DAAM2: variants seen among roughly 807,000 people sequenced by gnomAD.
DAAM2 encodes disheveled-associated activator of morphogenesis 2.
DAAM2 carries 39 observed loss-of-function variants against 120.7 expected under a neutral mutation model. The observed-to-expected ratio is 0.32, with a 90% CI of 0.25 to 0.42. The LOEUF (loss-of-function observed/expected upper bound fraction) is 0.42. Among genes scored for constraint, DAAM2 ranks in the 10% least tolerant of loss-of-function variants. DAAM2 has a pLI of 1.00. For missense variants in DAAM2, 1,283 were observed against 1,401.7 expected (o/e 0.92, Z 1.35); for synonymous variants, 488 against 524.9 (o/e 0.93, Z 0.96).
intron 1 of DAAM2, among the ~76,000 whole-genome samples, chr6:39,801,802 C>G (rs1265362970): frequency 6.6e-6 from 1 of 152,206 alleles, no homozygotes; most frequent in Non-Finnish European, 1.5e-5. Context: ...TGACCACATT[C>G]CCGGGGGGTC....
intron 1 of DAAM2, among the ~76,000 whole-genome samples, chr6:39,844,144 A>G (rs182072229): frequency 4.5e-4 from 69 of 152,278 alleles, no homozygotes; most frequent in African/African-American, 1.3e-3. Context: ...TTTAATAAAT[A>G]CTAGTATTCT....
chr6:39,879,299 C>CCCCCCCCCCCCCTCCTCCCCGGGGG lies in DAAM2; in HGVS notation c.1667_1668insCCCCCCCCCCCCTCCTCCCCGGGGG (p.Leu560ProfsTer39). The CCCCCCCCCCCCCTCCTCCCCGGGGG allele has an allele frequency of 6.7e-7, 1 of 1,495,694 alleles. No individual in the cohort carries two copies. The highest frequency in any genetic ancestry group is 1.2e-5 in the South Asian group (1 of 83,692). The allele number at this position is 1,495,694 out of a possible 1,614,324, so 92.7% of individuals were successfully genotyped here. A position where few individuals can be genotyped will look rare whatever the true frequency, so the allele number is the denominator to read the frequency against. On this transcript the variant is annotated frameshift_variant, in exon 14 of 25. Coordinates refer to ENST00000274867, the MANE Select transcript of DAAM2 (RefSeq NM_001201427.2). LOFTEE classifies it high-confidence loss of function. ...CCCTTTGCCTGTTGTCCCCCTCCCC[C>CCCCCCCCCCCCCTCCTCCCCGGGGG]ACCACCACCCCTTCCTCCCGGGGGA...
chr6:39,904,086 G>T lies in DAAM2; in HGVS notation c.*2049G>T, dbSNP rs777013775. ...ACCCCCTCAGGGGCAGGGAACAGGGGAGGGCTCCACAAGCGTGTCTGGCAT... is the reference window on the plus strand; with the variant it reads ...ACCCCCTCAGGGGCAGGGAACAGGGTAGGGCTCCACAAGCGTGTCTGGCAT... On this transcript the variant is annotated 3_prime_UTR_variant, in exon 25 of 25. Transcript: ENST00000274867. 2 of 421,920 alleles carry T rather than the reference G, an allele frequency of 4.7e-6. No individual in the cohort carries two copies. The highest frequency in any genetic ancestry group is 9.5e-6 in the Non-Finnish European group (2 of 211,286). The allele number at this position is 421,920 out of a possible 1,614,324, so 26.1% of individuals were successfully genotyped here. A position where few individuals can be genotyped will look rare whatever the true frequency, so the allele number is the denominator to read the frequency against.
intron 1 of DAAM2, among the ~76,000 whole-genome samples, chr6:39,812,486 G>A (rs1582606198): frequency 1.3e-5 from 2 of 152,238 alleles, no homozygotes; most frequent in African/African-American, 4.8e-5. Context: ...TTTCTGTACC[G>A]TACCCCAATC....
intron 1 of DAAM2, among the ~76,000 whole-genome samples, chr6:39,795,183 G>A (rs1444236113): frequency 6.6e-6 from 1 of 152,200 alleles, no homozygotes; most frequent in Non-Finnish European, 1.5e-5. Context: ...GGTCATCTTT[G>A]AGATTAGATT....
intron 5 of DAAM2, among the ~76,000 whole-genome samples, chr6:39,866,635 G>A (rs1764445259): frequency 6.6e-6 from 1 of 152,206 alleles, no homozygotes; most frequent in Admixed American, 6.5e-5. Flanking sequence ...ACAAATCAAT[G>A]AAAATACAGC....
intron 5 of DAAM2, among the ~76,000 whole-genome samples, chr6:39,866,408 C>A (rs1193268571): frequency 6.6e-6 from 1 of 152,114 alleles, no homozygotes; most frequent in Non-Finnish European, 1.5e-5. Context: ...AGAGCACATT[C>A]TTTTATTTTC....
At chr6:39,795,804 T>C (rs1187432780) in intron 1 of DAAM2, among the ~76,000 whole-genome samples, 1 of 152,042 alleles carries the variant, frequency 6.6e-6, no homozygotes. Context: ...TATCCTGAAG[T>C]GTGGGAGAAG....
Position 39,901,770 on chromosome 6 carries a change from C to T in DAAM2, c.2983-43C>T. 6.8e-7 allele frequency: 1 copy of T among 1,472,296 alleles called. No individual in the cohort carries two copies. The highest frequency in any genetic ancestry group is 2.3e-5 in the East Asian group (1 of 42,714). The allele number at this position is 1,472,296 out of a possible 1,614,324, so 91.2% of individuals were successfully genotyped here. A position where few individuals can be genotyped will look rare whatever the true frequency, so the allele number is the denominator to read the frequency against. ...TTGGGGGGCTGCCCTGGCCTCAGCG[C>T]CTCTCCCTGAGAGGGTTCCTATCTT... On this transcript the variant is annotated intron_variant, in intron 24 of 24. Coordinates refer to ENST00000274867, the MANE Select transcript of DAAM2 (RefSeq NM_001201427.2). This position sits in a 1 kb window ranked among gnomAD's most constrained non-coding sequence, Gnocchi z 4.5.
chr6:39,891,461 C>G lies in DAAM2; in HGVS notation c.2252+14C>G. ...TGAAATGAGCAGGTTGGGCCATGGG[C>G]ATGGTGGGGATTCAAGCAGGTGGGG... On this transcript the variant is annotated intron_variant, in intron 18 of 24. Transcript: ENST00000274867. 6.3e-7 allele frequency: 1 copy of G among 1,593,636 alleles called. No individual in the cohort carries two copies. Among genetic ancestry groups the G allele is most frequent in the Non-Finnish European group, 8.6e-7 (1 of 1,168,184 alleles).
At chr6:39,890,173 G>A (rs867896895) in intron 17 of DAAM2, among the ~76,000 whole-genome samples, 4 of 152,012 alleles carry the variant, frequency 2.6e-5, no homozygotes, top group Non-Finnish European at 4.4e-5. Flanking sequence ...ATTGAGTGGA[G>A]GTGGATCATC....
chr6:39,831,155 G>A (rs928875657), intron 1 of DAAM2, among the ~76,000 whole-genome samples: 1 of 152,140 alleles, frequency 6.6e-6, no homozygotes, highest in Non-Finnish European at 1.5e-5. Flanking sequence ...TCTAGTCACT[G>A]CGGATACAGC....
At chr6:39,876,504 C>G (rs144914846) in intron 11 of DAAM2, among the ~76,000 whole-genome samples, 480 of 152,326 alleles carry the variant, frequency 3.2e-3, no homozygotes, top group African/African-American at 9.9e-3. Flanking sequence ...ATCTTTTCCA[C>G]TGCCAGAGGA....
At chr6:39,808,268 C>G (rs771767678) in intron 1 of DAAM2, among the ~76,000 whole-genome samples, 4 of 152,132 alleles carry the variant, frequency 2.6e-5, no homozygotes, top group South Asian at 2.1e-4. Context: ...AATTCTGGAG[C>G]CTTCTTTCTC....
In DAAM2 at chr6:39,875,776, TG is replaced by T. The variant is rs1216363196; in HGVS notation, c.1301+310del. Reference sequence around the variant, plus strand: ...GACACGTGGCTAGTGATTACTCTCTTGGACAGCCAACACAGGTGTATTGGGC... The same window carrying T: ...GACACGTGGCTAGTGATTACTCTCTTGACAGCCAACACAGGTGTATTGGGC... On this transcript the variant is annotated intron_variant, in intron 11 of 24. Coordinates refer to ENST00000274867, the MANE Select transcript of DAAM2 (RefSeq NM_001201427.2). Among the ~76,000 whole-genome samples, 42 of 152,302 alleles carry T rather than the reference TG, an allele frequency of 2.8e-4. 1 individual carries two copies. The highest frequency in any genetic ancestry group is 4.6e-4 in the Admixed American group (7 of 15,300).
At position 39,901,470 on chromosome 6, in the gene DAAM2, A is replaced by C. The variant is rs1253362883; in HGVS notation, c.2980A>C (p.Met994Leu). The C allele has an allele frequency of 6.2e-7, 1 of 1,604,944 alleles. No homozygotes were observed. Residue 994 changes from methionine (M) to leucine (L), a missense_variant and splice_region_variant, in exon 24 of 25, where the codon ATG (methionine) becomes CTG (leucine). Physicochemically the swap from Met to Leu is conservative, Grantham distance 15. Transcript: ENST00000274867. The surrounding 1 kb of genome is among the most constrained non-coding windows in gnomAD (Gnocchi z 4.5). ...EEERRARMEAMLKEQRERERW... is the reference protein window; with the variant it reads ...EEERRARMEALLKEQRERERW... The stretch of plus-strand genomic sequence containing the variant: ...GGAGCGGCGGGCGCGCATGGAAGCC[A>C]TGGTGAGGGGCAGTGCCAGGCCTGG...
intron 1 of DAAM2, among the ~76,000 whole-genome samples, chr6:39,844,014 G>T (rs1030680060): frequency 6.6e-6 from 1 of 152,100 alleles, no homozygotes; most frequent in South Asian, 2.1e-4. Flanking sequence ...ACTTGGGCAA[G>T]TTACTGATTT....
chr6:39,798,404 G>T (rs1471134060), intron 1 of DAAM2, among the ~76,000 whole-genome samples: 2 of 152,170 alleles, frequency 1.3e-5, no homozygotes, highest in African/African-American at 4.8e-5. Flanking sequence ...CTAGCAATCA[G>T]CCACATAGAG....
intron 1 of DAAM2, among the ~76,000 whole-genome samples, chr6:39,811,843 G>A (rs980570815): frequency 2.0e-5 from 3 of 152,092 alleles, no homozygotes; most frequent in Admixed American, 6.5e-5. Flanking sequence ...AACTCATGGA[G>A]CTCCTTAGAC....
Sources: gnomAD v4.1 joint callset for allele counts (sites outside exome capture counted in the v4.1 genomes callset) on GRCh38, gnomAD v4.1.1 for gene constraint, Gnocchi (gnomAD v3.1) non-coding constraint, MANE v1.5 for transcripts, NCBI Gene and HGNC (gene_info 2026-07-23, HGNC 2026-07-21) for gene names.